GRIN3B: variants seen among roughly 807,000 people sequenced by gnomAD.
GRIN3B encodes glutamate receptor ionotropic, NMDA 3B.
In GRIN3B, 77 loss-of-function variants were observed where a neutral mutation model predicts 66.0. The observed-to-expected ratio is 1.17, with a 90% CI of 0.97 to 1.41. The LOEUF (loss-of-function observed/expected upper bound fraction) is 1.41, where lower values mean the gene tolerates loss of function less well. Among genes scored for constraint, GRIN3B ranks in the 40% most tolerant of loss-of-function variants. The pLI, the probability that GRIN3B is intolerant of heterozygous loss-of-function variation, is 0.00. For synonymous variants in GRIN3B, 823 were observed against 749.7 expected (o/e 1.10, Z -1.60); for missense variants, 1,787 against 1,564.5 (o/e 1.14, Z -2.40).
chr19:1,005,120 A>G lies in GRIN3B; in HGVS notation c.1619A>G (p.Gln540Arg). The change falls in exon 3 of 9, where the codon CAG (glutamine) becomes CGG (arginine). Residue 540 changes from glutamine (Q) to arginine (R), a missense_variant. By Grantham distance (43) the Gln-to-Arg change is conservative. Coordinates refer to ENST00000234389, the MANE Select transcript of GRIN3B (RefSeq NM_138690.3). The surrounding 1 kb of genome is among the most constrained non-coding windows in gnomAD (Gnocchi z 5.2). ...TTCAGTATCAACTCCGCCCGCTCACAGGTGGTGGACTTCACCAGCCCCTTC... is the reference window on the plus strand; with the variant it reads ...TTCAGTATCAACTCCGCCCGCTCACGGGTGGTGGACTTCACCAGCCCCTTC... ...TSFSINSARS[Q>R]VVDFTSPFFS... The G allele has an allele frequency of 6.2e-7, 1 of 1,613,146 alleles. No homozygotes were observed.
chr19:1,000,857 A>G lies in GRIN3B; in HGVS notation c.420A>G (p.Gly140=). The change falls in exon 1 of 9, where the codon GGA becomes GGG. Residue 140 remains glycine (G), a synonymous_variant. Coordinates refer to ENST00000234389, the MANE Select transcript of GRIN3B (RefSeq NM_138690.3). ...GGCGGGAGGCGCGCGCGCCCCTCGG[A>G]GCCCCGGTACGCGGGACGCCCGGAG... ...LLRREARAPL[G]APNPFHLQLH... The G allele has an allele frequency of 7.1e-7, 1 of 1,408,286 alleles. No individual in the cohort carries two copies. 87.2% of individuals were successfully genotyped at this position (1,408,286 alleles called of 1,614,324 possible).
In GRIN3B at chr19:1,009,214, C is replaced by T. The variant is rs1454285744; in HGVS notation, c.2744C>T (p.Pro915Leu). 1 of 1,474,552 alleles carries T rather than the reference C, an allele frequency of 6.8e-7. No individual in the cohort carries two copies. The highest frequency in any genetic ancestry group is 8.9e-7 in the Non-Finnish European group (1 of 1,123,592). 91.3% of individuals were successfully genotyped at this position (1,474,552 alleles called of 1,614,324 possible). The change falls in exon 9 of 9, where the codon CCA (proline) becomes CTA (leucine). Residue 915 changes from proline (P) to leucine (L), a missense_variant. Transcript: ENST00000234389. ...CAGCAGCAGCAGCAGCAGGACCAGCCAACGGCTCCGGAGGGCTGGAAACGG... is the reference window on the plus strand; with the variant it reads ...CAGCAGCAGCAGCAGCAGGACCAGCTAACGGCTCCGGAGGGCTGGAAACGG... ...VEQQQQQQDQPTAPEGWKRAR... is the reference protein window; with the variant it reads ...VEQQQQQQDQLTAPEGWKRAR...
In GRIN3B at chr19:1,003,325, C is replaced by T. The variant is rs370031535; in HGVS notation, c.622C>T (p.Arg208Trp). Residue 208 changes from arginine (R) to tryptophan (W), a missense_variant, in exon 2 of 9, where the codon CGG becomes TGG. By Grantham distance (101) the Arg-to-Trp change is moderately radical. Transcript: ENST00000234389. ...ACAGCTGGTCCTGGACCTAAGCCGG[C>T]GGGACACGGGAGATGCAGGACTGCG... ...PPQLVLDLSRRDTGDAGLRAR... is the reference protein window; with the variant it reads ...PPQLVLDLSRWDTGDAGLRAR... 5.2e-5 allele frequency: 81 copies of T among 1,571,344 alleles called. No individual in the cohort carries two copies. The highest frequency in any genetic ancestry group is 2.7e-4 in the African/African-American group (20 of 73,066).
rs200904237 is a variant in GRIN3B at position 1,004,905 on chromosome 19, G to A, written c.1404G>A (p.Ala468=). Residue 468 remains alanine, a synonymous_variant, in exon 3 of 9, where the codon GCG becomes GCA. Transcript: ENST00000234389. ...ALFAALANGS[A]PRALRKCCYG... ...TCGCCGCGCTGGCCAACGGCTCAGC[G>A]CCCCGTGCCCTGCGCAAGTGCTGCT... 104 of 1,607,638 alleles carry A rather than the reference G, an allele frequency of 6.5e-5. No homozygotes were observed. The Middle Eastern group carries it at 9.9e-4, about 15-fold the overall frequency.
chr19:1,009,184 T>TGGAGCAGCAGCAGCAGCAGCA lies in GRIN3B; in HGVS notation c.2718_2738dup (p.Glu906_Gln912dup). ...GGTTCCGTCCCCAGCGGCCCCGAGG[T>TGGAGCAGCAGCAGCAGCAGCA]GGAGCAGCAGCAGCAGCAGCAGGAC... On this transcript the variant is annotated inframe_insertion, in exon 9 of 9. Transcript: ENST00000234389. 1 of 1,471,634 alleles carries TGGAGCAGCAGCAGCAGCAGCA rather than the reference T, an allele frequency of 6.8e-7. No individual in the cohort carries two copies. 91.2% of individuals were successfully genotyped at this position (1,471,634 alleles called of 1,614,324 possible).
Position 1,004,591 on chromosome 19 carries a change from A to G in GRIN3B, c.1090A>G (p.Met364Val). 4 of 1,602,896 alleles carry G rather than the reference A, an allele frequency of 2.5e-6. No individual in the cohort carries two copies. The highest frequency in any genetic ancestry group is 3.4e-6 in the Non-Finnish European group (4 of 1,175,738). The stretch of plus-strand genomic sequence containing the variant: ...GGTGACAGGCAGCTCCCAGGTACAC[A>G]TGTCTCGGCACTTTAAGGTGTGGAG... ...VWVTGSSQVH[M>V]SRHFKVWSLR... The change falls in exon 3 of 9, where the codon ATG becomes GTG. Residue 364 changes from methionine (M) to valine (V), a missense_variant. Met to Val is a conservative substitution (Grantham distance 21). Transcript: ENST00000234389.
rs962752133 is a variant in GRIN3B at position 1,008,710 on chromosome 19, C to T, written c.2559C>T (p.His853=). ...GSALLSSLGE[H]AFFRLALPRI... ...CTCTGCTCAGCTCGCTGGGCGAGCA[C>T]GCCTTCTTCCGCCTGGCGCTGCCGC... Residue 853 remains histidine (H), a synonymous_variant, in exon 7 of 9, where the codon CAC becomes CAT. Coordinates refer to ENST00000234389, the MANE Select transcript of GRIN3B (RefSeq NM_138690.3). 10 of 1,608,130 alleles carry T rather than the reference C, an allele frequency of 6.2e-6. No individual in the cohort carries two copies. In the East Asian group the frequency reaches 6.7e-5, roughly 11 times the overall value.
rs1174808734 is a variant in GRIN3B at position 1,003,598 on chromosome 19, C to T, written c.895C>T (p.Leu299=). The change falls in exon 2 of 9, where the codon CTG becomes TTG. Residue 299 remains leucine (L), a synonymous_variant. Coordinates refer to ENST00000234389, the MANE Select transcript of GRIN3B (RefSeq NM_138690.3). The part of the protein sequence containing the change: ...LEAAIHDIVQ[L]VARALGSAAQ... ...GGCCGCCATCCATGACATTGTGCAA[C>T]TGGTGGCCCGGGCGCTGGGCAGTGC... 2 of 1,465,784 alleles carry T rather than the reference C, an allele frequency of 1.4e-6. No homozygotes were observed. Among genetic ancestry groups the T allele is most frequent in the East Asian group, 2.7e-5 (1 of 37,342 alleles). 90.8% of individuals were successfully genotyped at this position (1,465,784 alleles called of 1,614,324 possible). A position where few individuals can be genotyped will look rare whatever the true frequency, so the allele number is the denominator to read the frequency against.
At chr19:1,009,148 C>T (rs945775442) in intron 8 of GRIN3B, 25 bp from the exon 9 acceptor site, 8 of 1,447,874 alleles carry the variant, frequency 5.5e-6, no homozygotes, top group Non-Finnish European at 7.2e-6. Flanking sequence ...CCGGCGGACA[C>T]TGACCAGGCC....
At position 1,003,161 on chromosome 19, in the gene GRIN3B, GC is replaced by G; in HGVS notation, c.463del (p.Leu155TrpfsTer51). The G allele has an allele frequency of 1.3e-6, 2 of 1,482,966 alleles. No individual in the cohort carries two copies. The highest frequency in any genetic ancestry group is 1.4e-5 in the South Asian group (1 of 71,606). The allele number at this position is 1,482,966 out of a possible 1,614,324, so 91.9% of individuals were successfully genotyped here. Reference sequence around the variant, plus strand: ...TTCCACCTGCAGCTGCACTGGGCCAGCCCCCTGGAGACGCTGCTGGATGTGC... The same window carrying G: ...TTCCACCTGCAGCTGCACTGGGCCAGCCCCTGGAGACGCTGCTGGATGTGC... The part of the protein sequence containing the change: ...NPFHLQLHWA[S>X]PLETLLDVLV... On this transcript the variant is annotated frameshift_variant, in exon 2 of 9. Coordinates refer to ENST00000234389, the MANE Select transcript of GRIN3B (RefSeq NM_138690.3). LOFTEE classifies it high-confidence loss of function.
rs1403052078 is a variant in GRIN3B at position 1,007,750 on chromosome 19, G to A, written c.2175G>A (p.Thr725=). 2.6e-6 allele frequency: 4 copies of A among 1,518,358 alleles called. No homozygotes were observed. Among genetic ancestry groups the A allele is most frequent in the Admixed American group, 4.2e-5 (2 of 47,272 alleles). 94.1% of individuals were successfully genotyped at this position (1,518,358 alleles called of 1,614,324 possible). The change falls in exon 4 of 9, where the codon ACG becomes ACA. Residue 725 remains threonine (T), a synonymous_variant. Coordinates refer to ENST00000234389, the MANE Select transcript of GRIN3B (RefSeq NM_138690.3). This position sits in a 1 kb window ranked among gnomAD's most constrained non-coding sequence, Gnocchi z 4.4. ...AHMRRHSAPT[T]PRGVAMLTSD... is the part of the protein sequence containing the mutation. ...TGCGGCGCCACAGCGCGCCCACCAC[G>A]CCCCGCGGCGTCGCCATGCTCACGT...
Position 1,000,553 on chromosome 19 carries a change from TG to T in GRIN3B, c.119del (p.Gly40AlafsTer31). 8.9e-7 allele frequency: 1 copy of T among 1,121,426 alleles called. No individual in the cohort carries two copies. The highest frequency in any genetic ancestry group is 4.6e-5 in the East Asian group (1 of 21,804). 69.5% of individuals were successfully genotyped at this position (1,121,426 alleles called of 1,614,324 possible). On this transcript the variant is annotated frameshift_variant, in exon 1 of 9. Transcript: ENST00000234389. LOFTEE classifies it high-confidence loss of function. ...GCGCGCCTCGGGGGCTCCGTGCGCC[TG>T]GGCGCCCTCCTGCCCCGCGCGCCTC... ...VLARLGGSVR[L>X]GALLPRAPLA... is the part of the protein sequence containing the mutation.
At chr19:1,004,464 G>A (rs1205081269) in intron 2 of GRIN3B, 57 bp from the exon 3 acceptor site, 4 of 1,442,994 alleles carry the variant, frequency 2.8e-6, no homozygotes, top group Non-Finnish European at 3.8e-6. Context: ...GGGCAGGGGT[G>A]AGAGGATGGA....
In GRIN3B at chr19:1,009,080, T is replaced by C. The variant is rs2038803522; in HGVS notation, c.2703-93T>C. ...CACCGTGGCTCCCTGGTTGTGCCTG[T>C]CGGCCATCCTCTGCCGTCAGCGGCC... On this transcript the variant is annotated intron_variant, in intron 8 of 8. Transcript: ENST00000234389. The C allele has an allele frequency of 2.1e-6, 3 of 1,438,836 alleles. No homozygotes were observed. The South Asian group carries it at 4.2e-5, about 20-fold the overall frequency. The allele number at this position is 1,438,836 out of a possible 1,614,324, so 89.1% of individuals were successfully genotyped here.
At position 1,009,200 on chromosome 19, in the gene GRIN3B, GCA is replaced by G; in HGVS notation, c.2731_2732del (p.Gln911AlafsTer84). On this transcript the variant is annotated frameshift_variant, in exon 9 of 9. Coordinates refer to ENST00000234389, the MANE Select transcript of GRIN3B (RefSeq NM_138690.3). LOFTEE classifies it low-confidence loss of function (END_TRUNC). Reference sequence around the variant, plus strand: ...GCCCCGAGGTGGAGCAGCAGCAGCAGCAGCAGGACCAGCCAACGGCTCCGGAG... The same window carrying G: ...GCCCCGAGGTGGAGCAGCAGCAGCAGGCAGGACCAGCCAACGGCTCCGGAG... ...SGPEVEQQQQQQDQPTAPEGW... is the reference protein window; with the variant it reads ...SGPEVEQQQQXQDQPTAPEGW... The G allele has an allele frequency of 6.8e-7, 1 of 1,477,420 alleles. No homozygotes were observed. The highest frequency in any genetic ancestry group is 2.5e-5 in the Admixed American group (1 of 39,598). 91.5% of individuals were successfully genotyped at this position (1,477,420 alleles called of 1,614,324 possible).
chr19:1,005,252 C>T lies in GRIN3B; in HGVS notation c.1751C>T (p.Ala584Val). The T allele has an allele frequency of 6.2e-7, 1 of 1,613,336 alleles. No homozygotes were observed. Among genetic ancestry groups the T allele is most frequent in the Non-Finnish European group, 8.5e-7 (1 of 1,179,898 alleles). ...HWSTWLGVFA[A>V]LHLTALFLTV... ...TCCACGTGGCTGGGCGTCTTTGCGG[C>T]CCTGCACCTCACCGCGCTCTTCCTC... The change falls in exon 3 of 9, where the codon GCC becomes GTC. Residue 584 changes from alanine to valine, a missense_variant. Coordinates refer to ENST00000234389, the MANE Select transcript of GRIN3B (RefSeq NM_138690.3). This position sits in a 1 kb window ranked among gnomAD's most constrained non-coding sequence, Gnocchi z 5.2.
chr19:1,002,425 C>T (rs1364337205), intron 1 of GRIN3B, among the ~76,000 whole-genome samples: 4 of 142,756 alleles, frequency 2.8e-5, no homozygotes, highest in African/African-American at 1.0e-4. Flanking sequence ...GAGATCACGC[C>T]ATTGCACTCC....
chr19:1,001,430 AC>A (rs1056365682), intron 1 of GRIN3B, among the ~76,000 whole-genome samples: 18 of 102,006 alleles, frequency 1.8e-4, no homozygotes, highest in Admixed American at 4.1e-4. Context: ...CTCCATTCCC[AC>A]CCCCCAACCC....
rs773888815 is a variant in GRIN3B at position 1,005,138 on chromosome 19, G to GC, written c.1641dup (p.Phe548LeufsTer52). On this transcript the variant is annotated frameshift_variant, in exon 3 of 9. Coordinates refer to ENST00000234389, the MANE Select transcript of GRIN3B (RefSeq NM_138690.3). LOFTEE classifies it high-confidence loss of function. This position sits in a 1 kb window ranked among gnomAD's most constrained non-coding sequence, Gnocchi z 5.2. ...CGCTCACAGGTGGTGGACTTCACCA[G>GC]CCCCTTCTTCTCCACCAGCCTGGGC... 9 of 1,613,382 alleles carry GC rather than the reference G, an allele frequency of 5.6e-6. No homozygotes were observed. Among genetic ancestry groups the GC allele is most frequent in the Admixed American group, 1.7e-5 (1 of 60,024 alleles).
Sources: allele counts gnomAD v4.1 joint callset (sites outside exome capture counted in the v4.1 genomes callset), GRCh38; gene constraint gnomAD v4.1.1; non-coding constraint Gnocchi (gnomAD v3.1); transcripts MANE v1.5; gene names NCBI Gene and HGNC (gene_info 2026-07-23, HGNC 2026-07-21).